NCALD: variants seen among roughly 807,000 people sequenced by gnomAD.
NCALD encodes the protein neurocalcin-delta.
Under a neutral mutation model 18.6 loss-of-function variants are expected in NCALD, and 10 were observed. That is an observed-to-expected ratio of 0.54 (90% CI 0.33 to 0.91). The LOEUF (loss-of-function observed/expected upper bound fraction) is 0.91. Ranked by LOEUF, NCALD falls within the 40% of genes least tolerant of loss-of-function variation. NCALD has a pLI of 0.03. For synonymous variants in NCALD, 88 were observed against 87.4 expected, an observed-to-expected ratio of 1.01 and a Z score of -0.04; for missense variants, 184 against 247.6, an observed-to-expected ratio of 0.74 and a Z score of 1.72.
In NCALD at chr8:102,093,336, T is replaced by C. The variant is rs116917767; in HGVS notation, c.-210+30901A>G. Among the ~76,000 whole-genome samples, 423 of 152,348 alleles carry C rather than the reference T, an allele frequency of 2.8e-3. 13 individuals are homozygous for C. In the East Asian group the frequency reaches 0.07, roughly 25 times the overall value. On this transcript the variant is annotated intron_variant, in intron 1 of 6. Coordinates refer to the NCALD transcript ENST00000311028. The stretch of plus-strand genomic sequence containing the variant: ...AGACAGTAGGAAATGCTTTTCATCA[T>C]GAAGGGGGTTATCAAATGCATTGAG...
At chr8:101,952,308 C>T (rs576764708) in intron 2 of NCALD, among the ~76,000 whole-genome samples, 7 of 152,304 alleles carry the variant, frequency 4.6e-5, no homozygotes, top group East Asian at 1.9e-4. Flanking sequence ...CACCAGACCC[C>T]GCTGAAATCT....
At chr8:101,840,990 T>C (rs1303324140) in intron 4 of NCALD, among the ~76,000 whole-genome samples, 1 of 152,224 alleles carries the variant, frequency 6.6e-6, no homozygotes, top group African/African-American at 2.4e-5. Context: ...ACTAAGGCCT[T>C]ATTAGATTCA....
intron 1 of NCALD, among the ~76,000 whole-genome samples, chr8:101,762,359 C>A (rs968736965): frequency 7.2e-5 from 11 of 151,972 alleles, no homozygotes; most frequent in African/African-American, 2.7e-4. Context: ...ACTGTAAGTT[C>A]CTTATAAAGG....
At chr8:101,799,041 A>T (rs532519455) in intron 4 of NCALD, among the ~76,000 whole-genome samples, 1 of 152,370 alleles carries the variant, frequency 6.6e-6, no homozygotes, top group Non-Finnish European at 1.5e-5. Flanking sequence ...AAATATTTGC[A>T]AATCAAATAT....
At chr8:101,908,230 C>T (rs1252379045) in intron 3 of NCALD, among the ~76,000 whole-genome samples, 1 of 152,214 alleles carries the variant, frequency 6.6e-6, no homozygotes, top group Admixed American at 6.5e-5. Flanking sequence ...CAGGTGGCTG[C>T]AGGAATTCGC....
intron 1 of NCALD, among the ~76,000 whole-genome samples, chr8:102,056,121 T>C (rs1353156359): frequency 6.6e-6 from 1 of 152,218 alleles, no homozygotes; most frequent in African/African-American, 2.4e-5. Context: ...CAATTCCACT[T>C]CTTAGAAATT....
chr8:101,808,724 T>G (rs1270435808), intron 4 of NCALD, among the ~76,000 whole-genome samples: 3 of 152,184 alleles, frequency 2.0e-5, no homozygotes, highest in South Asian at 2.1e-4. Flanking sequence ...CTTGGGACCA[T>G]GAGTATGGTG....
At chr8:101,876,028 T>A (rs1816213462) in intron 4 of NCALD, among the ~76,000 whole-genome samples, 1 of 152,222 alleles carries the variant, frequency 6.6e-6, no homozygotes, top group South Asian at 2.1e-4. Context: ...AGCTAGATGG[T>A]CCTAACCTCT....
At chr8:101,988,018 A>G (rs1039875735) in intron 2 of NCALD, among the ~76,000 whole-genome samples, 14 of 151,516 alleles carry the variant, frequency 9.2e-5, no homozygotes, top group South Asian at 4.2e-4. Flanking sequence ...AGCCGGGCGT[A>G]GTGGCGGGCG....
At chr8:101,830,032 A>G (rs2131238444) in intron 4 of NCALD, among the ~76,000 whole-genome samples, 1 of 143,534 alleles carries the variant, frequency 7.0e-6, no homozygotes, top group South Asian at 2.2e-4. Context: ...AATATTTATC[A>G]ATAAATTTTG....
At chr8:101,712,217 G>T (rs1011994690) in intron 2 of NCALD, among the ~76,000 whole-genome samples, 3 of 152,026 alleles carry the variant, frequency 2.0e-5, no homozygotes, top group Non-Finnish European at 4.4e-5. Flanking sequence ...AAATGCTAAG[G>T]GATTTTGTCA....
At chr8:101,759,226 G>C (rs1811013037) in intron 1 of NCALD, among the ~76,000 whole-genome samples, 1 of 152,194 alleles carries the variant, frequency 6.6e-6, no homozygotes, top group Non-Finnish European at 1.5e-5. Flanking sequence ...TTATAACAAA[G>C]TGTCTTGCTG....
At chr8:101,743,537 T>A (rs1218012624) in intron 1 of NCALD, among the ~76,000 whole-genome samples, 3 of 152,208 alleles carry the variant, frequency 2.0e-5, no homozygotes, top group Non-Finnish European at 2.9e-5. Flanking sequence ...AAAGGTGGTT[T>A]TATGGGCACA....
intron 2 of NCALD, among the ~76,000 whole-genome samples, chr8:101,972,427 G>A (rs1280254344): frequency 6.6e-6 from 1 of 152,202 alleles, no homozygotes; most frequent in Non-Finnish European, 1.5e-5. Context: ...CTCCAGAAAA[G>A]TGTAACTATT....
At chr8:101,723,433 A>T (rs1816449291) in intron 1 of NCALD, among the ~76,000 whole-genome samples, 1 of 152,174 alleles carries the variant, frequency 6.6e-6, no homozygotes, top group Admixed American at 6.5e-5. Context: ...GCAGAAGATT[A>T]AAAAAACTGA....
At chr8:101,707,376 T>C (rs528304819) in intron 2 of NCALD, among the ~76,000 whole-genome samples, 7 of 152,338 alleles carry the variant, frequency 4.6e-5, no homozygotes, top group African/African-American at 7.2e-5. Flanking sequence ...GATTAGTCTG[T>C]GTGTTCATCT....
chr8:102,029,160 A>C (rs545868566), intron 1 of NCALD: 8 of 152,330 alleles, frequency 5.3e-5, no homozygotes, highest in African/African-American at 1.4e-4. Context: ...CAAAGACCAA[A>C]GTAGTAAAAT....
chr8:101,726,105 G>GAC, intron 1 of NCALD, among the ~76,000 whole-genome samples: 1 of 152,316 alleles, frequency 6.6e-6, no homozygotes, highest in South Asian at 2.1e-4. Flanking sequence ...CAAGATCCAG[G>GAC]ATGTGGCTGG....
At position 102,029,643 on chromosome 8, in the gene NCALD, C is replaced by T. The variant is rs146297920; in HGVS notation, c.-209-9354G>A. On this transcript the variant is annotated intron_variant, in intron 1 of 6. Coordinates refer to the NCALD transcript ENST00000311028. ...AGCCCTATTTCCATAAAGTCGCTGT[C>T]ACAGTAACAAAAATGAGAGAGTTAA... 6.5e-3 allele frequency among the ~76,000 whole-genome samples: 994 copies of T among 152,256 alleles called. 14 individuals carry two copies. Among genetic ancestry groups the T allele is most frequent in the African/African-American group, 0.021 (875 of 41,548 alleles).
Sources: allele counts gnomAD v4.1 joint callset (sites outside exome capture counted in the v4.1 genomes callset), GRCh38; gene constraint gnomAD v4.1.1; transcripts MANE v1.5; gene names NCBI Gene and HGNC (gene_info 2026-07-23, HGNC 2026-07-21).